The following FOCAD variants were observed in gnomAD, a reference collection of about 807,000 sequenced individuals.
FOCAD encodes the protein KIAA1797.
FOCAD carries 198 observed loss-of-function variants against 225.6 expected under a neutral mutation model. The observed-to-expected ratio is 0.88, with a 90% confidence interval of 0.78 to 0.99. The LOEUF is 0.99. Among genes scored for constraint, FOCAD ranks in the 50% least tolerant of loss-of-function variants. The probability of loss-of-function intolerance (pLI) is 0.00; values close to 1 mark genes in which losing one functional copy is unlikely to be tolerated. For synonymous variants in FOCAD, 897 were observed against 755.0 expected (o/e 1.19, Z -3.08); for missense variants, 2,713 against 2,123.6 (o/e 1.28, Z -5.46).
chr9:20,872,073 CATATAGTAT>C, intron 18 of FOCAD, among the ~76,000 whole-genome samples: 1 of 151,950 alleles, frequency 6.6e-6, no homozygotes, highest in East Asian at 1.9e-4. Context: ...ATTATAAATA[CATATAGTAT>C]ATAATCTATT....
intron 18 of FOCAD, chr9:20,872,707 G>T (rs188274917): frequency 6.6e-6 from 1 of 151,718 alleles, no homozygotes; most frequent in East Asian, 1.9e-4. Context: ...ATGCAATTTA[G>T]TGGTTTTAGT....
At chr9:20,874,280 T>A (rs1251018300) in intron 18 of FOCAD, 1 of 161,940 alleles carries the variant, frequency 6.2e-6, no homozygotes, top group African/African-American at 2.4e-5. Flanking sequence ...ATCACAAATT[T>A]TTTAAAAAGT....
At chr9:20,903,735 G>T (rs1212637427) in intron 21 of FOCAD, among the ~76,000 whole-genome samples, 2 of 151,812 alleles carry the variant, frequency 1.3e-5, no homozygotes, top group African/African-American at 4.8e-5. Context: ...TTTTAAAATT[G>T]AGGTGTCATT....
At chr9:20,980,678 AT>A (rs1251941033) in intron 37 of FOCAD, among the ~76,000 whole-genome samples, 1 of 152,182 alleles carries the variant, frequency 6.6e-6, no homozygotes, top group East Asian at 1.9e-4. Flanking sequence ...AAAAACAAAA[AT>A]AGCACACAAA....
intron 7 of FOCAD, among the ~76,000 whole-genome samples, chr9:20,765,723 A>G (rs1261170172): frequency 6.6e-6 from 1 of 152,142 alleles, no homozygotes; most frequent in African/African-American, 2.4e-5. Context: ...CATTGTCTCT[A>G]TAACTGCATA....
At chr9:20,725,732 C>G (rs1314430399) in intron 4 of FOCAD, among the ~76,000 whole-genome samples, 2 of 152,164 alleles carry the variant, frequency 1.3e-5, no homozygotes, top group Non-Finnish European at 2.9e-5. Flanking sequence ...ATTGTATAGT[C>G]TAACTTTGAA....
intron 35 of FOCAD, among the ~76,000 whole-genome samples, chr9:20,974,020 C>G (rs538264613): frequency 1.1e-4 from 15 of 141,240 alleles, no homozygotes; most frequent in African/African-American, 4.0e-4. Context: ...CTAATTTGGC[C>G]TCTGCTTCTC....
At chr9:20,751,560 T>A (rs1193442552) in intron 5 of FOCAD, among the ~76,000 whole-genome samples, 1 of 109,436 alleles carries the variant, frequency 9.1e-6, no homozygotes, top group Non-Finnish European at 2.1e-5. Context: ...TCTATCATTG[T>A]TGGACATTTG....
chr9:20,722,154 C>T (rs967664443), intron 4 of FOCAD, among the ~76,000 whole-genome samples: 5 of 150,876 alleles, frequency 3.3e-5, no homozygotes, highest in Non-Finnish European at 4.4e-5. Context: ...GTAGTCCTCC[C>T]GCCTCAGCCT....
chr9:20,826,227 C>A (rs536739094), intron 15 of FOCAD, among the ~76,000 whole-genome samples: 73 of 152,186 alleles, frequency 4.8e-4, no homozygotes, highest in African/African-American at 1.6e-3. Context: ...CAGGCCCACC[C>A]TCAAACTGGG....
intron 11 of FOCAD, among the ~76,000 whole-genome samples, chr9:20,814,749 C>A (rs532556708): frequency 6.6e-6 from 1 of 152,208 alleles, no homozygotes; most frequent in African/African-American, 2.4e-5. Context: ...AAGCTGATAA[C>A]AAGTTACATA....
intron 24 of FOCAD, among the ~76,000 whole-genome samples, chr9:20,919,148 C>T (rs933532631): frequency 6.6e-6 from 1 of 152,150 alleles, no homozygotes; most frequent in Non-Finnish European, 1.5e-5. Context: ...GCAAAAATCG[C>T]AAGCATTCTT....
intron 20 of FOCAD, 111 bp downstream of exon 20, chr9:20,882,167 A>G: frequency 5.7e-6 from 5 of 872,736 alleles, no homozygotes; most frequent in Non-Finnish European, 8.9e-6. Context: ...TGCTACTAAC[A>G]TGTGGATAAA....
At chr9:20,673,406 A>G (rs531365600) in intron 2 of FOCAD, among the ~76,000 whole-genome samples, 2 of 152,268 alleles carry the variant, frequency 1.3e-5, no homozygotes, top group South Asian at 4.1e-4. Context: ...TAAGGGTTCT[A>G]ATTTCTCTGC....
intron 1 of FOCAD, among the ~76,000 whole-genome samples, chr9:20,688,462 G>A (rs1296893636): frequency 6.6e-6 from 1 of 152,126 alleles, no homozygotes; most frequent in African/African-American, 2.4e-5. Context: ...CAGTAGTCTT[G>A]GACATGGGTT....
At chr9:20,855,935 G>T (rs1253533394) in intron 15 of FOCAD, among the ~76,000 whole-genome samples, 1 of 150,682 alleles carries the variant, frequency 6.6e-6, no homozygotes, top group African/African-American at 2.4e-5. Flanking sequence ...TCTTTTTTAT[G>T]GTTAAATAAT....
intron 1 of FOCAD, among the ~76,000 whole-genome samples, chr9:20,685,319 G>A (rs1822600814): frequency 1.3e-5 from 2 of 152,090 alleles, no homozygotes; most frequent in African/African-American, 4.8e-5. Context: ...TGTAAGAAGA[G>A]GAATGGGATT....
intron 28 of FOCAD, among the ~76,000 whole-genome samples, chr9:20,942,140 A>G (rs1027172058): frequency 1.3e-5 from 2 of 152,354 alleles, no homozygotes; most frequent in South Asian, 4.1e-4. Flanking sequence ...ATATATTCAT[A>G]TGTTACACCA....
intron 21 of FOCAD, among the ~76,000 whole-genome samples, chr9:20,900,044 T>A (rs1832430127): frequency 6.6e-6 from 1 of 151,942 alleles, no homozygotes; most frequent in Non-Finnish European, 1.5e-5. Flanking sequence ...TATGTATACC[T>A]ACTTCTCATC....
Sources: gnomAD v4.1 joint callset for allele counts (sites outside exome capture counted in the v4.1 genomes callset) on GRCh38, gnomAD v4.1.1 for gene constraint, MANE v1.5 for transcripts, NCBI Gene and HGNC (gene_info 2026-07-23, HGNC 2026-07-21) for gene names.